The following GLMN variants were observed in gnomAD, a reference collection of about 807,000 sequenced individuals.
The protein encoded by GLMN is glomulin, FKBP associated protein.
A neutral mutation model predicts 87.8 loss-of-function variants in GLMN; 75 were observed. That is an observed-to-expected ratio of 0.85 (90% confidence interval 0.71 to 1.04). The LOEUF is 1.04. GLMN is among the 50% of genes least tolerant of loss of function. The pLI, the probability that GLMN is intolerant of heterozygous loss-of-function variation, is 0.00. For missense variants in GLMN, 588 were observed against 658.8 expected (o/e 0.89, Z 1.18); for synonymous variants, 206 against 221.6 (o/e 0.93, Z 0.63).
At chr1:92,344,502 TA>T in the GLMN span, among the ~76,000 whole-genome samples, 1 of 152,248 alleles carries the variant, frequency 6.6e-6, no homozygotes, top group African/African-American at 2.4e-5. Flanking sequence ...AGCTATTTAA[TA>T]TTTTATAAAT....
At position 92,246,666 on chromosome 1, in the gene GLMN, T is replaced by C; in HGVS notation, c.1669-20A>G. 8.8e-7 allele frequency: 1 copy of C among 1,130,224 alleles called. No homozygotes were observed. The highest frequency in any genetic ancestry group is 1.4e-6 in the Non-Finnish European group (1 of 737,860). 70.0% of individuals were successfully genotyped at this position (1,130,224 alleles called of 1,614,324 possible). ...CAGGACCTGCAATGCCAAGAAAAAG[T>C]AATGTTATTAATGCTGCCTTTAAAG... is the stretch of plus-strand genomic sequence containing the variant. On this transcript the variant is annotated intron_variant, in intron 18 of 18. Coordinates refer to ENST00000370360, the MANE Select transcript of GLMN (RefSeq NM_053274.3).
the GLMN span, among the ~76,000 whole-genome samples, chr1:92,368,373 T>C: frequency 6.6e-6 from 1 of 152,114 alleles, no homozygotes; most frequent in Non-Finnish European, 1.5e-5. Flanking sequence ...AGCAAGACTC[T>C]GTCTCAAAAA....
At position 92,247,089 on chromosome 1, in the gene GLMN, A is replaced by G. The variant is rs778068890; in HGVS notation, c.1641T>C (p.Pro547=). 6.4e-7 allele frequency: 1 copy of G among 1,571,698 alleles called. No individual in the cohort carries two copies. Among genetic ancestry groups the G allele is most frequent in the Non-Finnish European group, 8.8e-7 (1 of 1,142,230 alleles). The change falls in exon 18 of 19, where the codon CCT becomes CCC. Residue 547 remains proline (P), a synonymous_variant. Coordinates refer to ENST00000370360, the MANE Select transcript of GLMN (RefSeq NM_053274.3). The part of the protein sequence containing the change: ...CSITVSGEEI[P]NMPPEMQLKV... ...TAAGCTGCATTTCAGGAGGCATATT[A>G]GGGATCTCTTCTCCACTTACAGTTA...
chr1:92,273,610 A>AT lies in GLMN; in HGVS notation c.736-1959dup, dbSNP rs959828963. Among the ~76,000 whole-genome samples, 536 of 147,496 alleles carry AT rather than the reference A, an allele frequency of 3.6e-3. 4 individuals carry two copies. The highest frequency in any genetic ancestry group is 3.3e-3 in the Non-Finnish European group (220 of 66,518). ...ACTGGTACATGCCACCATGCCCGCT[A>AT]TTTTTTTTTTATTTTTTTTATTTTT... On this transcript the variant is annotated intron_variant, in intron 7 of 18. Coordinates refer to ENST00000370360, the MANE Select transcript of GLMN (RefSeq NM_053274.3).
the GLMN span, among the ~76,000 whole-genome samples, chr1:92,335,550 T>C: frequency 6.6e-6 from 1 of 152,172 alleles, no homozygotes. Context: ...ATATTCATTC[T>C]ATTTGGTTCT....
chr1:92,257,241 G>GAAAT (rs1654391890), intron 16 of GLMN, among the ~76,000 whole-genome samples: 2 of 152,106 alleles, frequency 1.3e-5, no homozygotes, highest in Admixed American at 1.3e-4. Context: ...ACCACTCAAA[G>GAAAT]AAATAAGAGA....
chr1:92,278,085 C>T (rs1388953356), intron 7 of GLMN, among the ~76,000 whole-genome samples: 3 of 152,040 alleles, frequency 2.0e-5, no homozygotes, highest in African/African-American at 7.2e-5. Context: ...TGTACAACTG[C>T]TTGCTTGCTT....
At chr1:92,255,772 G>A (rs534841843) in intron 16 of GLMN, among the ~76,000 whole-genome samples, 22 of 152,274 alleles carry the variant, frequency 1.4e-4, no homozygotes, top group Admixed American at 3.3e-4. Flanking sequence ...AGTGTTTAGA[G>A]GGAAATTTTT....
chr1:92,305,339 A>G, the GLMN span, among the ~76,000 whole-genome samples: 2 of 149,594 alleles, frequency 1.3e-5, no homozygotes, highest in South Asian at 4.3e-4. Context: ...AGGCTGAGGC[A>G]GGAGAATGGC....
At chr1:92,294,581 AT>A (rs1040717089) in intron 3 of GLMN, among the ~76,000 whole-genome samples, 2 of 152,000 alleles carry the variant, frequency 1.3e-5, no homozygotes, top group African/African-American at 4.8e-5. Context: ...TTTTATTTTT[AT>A]TTTTTTTCTT....
At chr1:92,312,412 G>A in the GLMN span, among the ~76,000 whole-genome samples, 72,076 of 137,294 alleles carry the variant, frequency 0.52, 18,191 homozygotes, top group East Asian at 0.97. Flanking sequence ...GAGCAAGACC[G>A]TGTCTCAAAA....
At chr1:92,333,571 T>C in the GLMN span, 1 of 827,916 alleles carries the variant, frequency 1.2e-6, no homozygotes, top group Non-Finnish European at 1.9e-6. Context: ...TTTTGAACAT[T>C]TTGAAAAATA....
chr1:92,367,126 A>G, the GLMN span, among the ~76,000 whole-genome samples: 2 of 152,228 alleles, frequency 1.3e-5, no homozygotes, highest in African/African-American at 4.8e-5. Flanking sequence ...ATGACCCTCA[A>G]TAATTCCTTT....
At chr1:92,368,393 A>G in the GLMN span, among the ~76,000 whole-genome samples, 1 of 152,166 alleles carries the variant, frequency 6.6e-6, no homozygotes, top group South Asian at 2.1e-4. Context: ...AAAGAAAAAA[A>G]TCCAAGTTCG....
At chr1:92,305,447 A>AAG in the GLMN span, among the ~76,000 whole-genome samples, 1 of 148,550 alleles carries the variant, frequency 6.7e-6, no homozygotes, top group East Asian at 2.1e-4. Flanking sequence ...AAAAAAAAAA[A>AAG]AAAAGACAAT....
At chr1:92,351,736 A>G in the GLMN span, among the ~76,000 whole-genome samples, 1 of 152,184 alleles carries the variant, frequency 6.6e-6, no homozygotes, top group Non-Finnish European at 1.5e-5. Flanking sequence ...ATAGAAGGCT[A>G]TCGAGAAGCA....
At chr1:92,327,491 G>T in the GLMN span, among the ~76,000 whole-genome samples, 2 of 152,128 alleles carry the variant, frequency 1.3e-5, no homozygotes, top group Non-Finnish European at 2.9e-5. Flanking sequence ...CTCACTTTTG[G>T]TGTCCATTTG....
the GLMN span, among the ~76,000 whole-genome samples, chr1:92,352,615 T>C: frequency 6.6e-6 from 1 of 152,232 alleles, no homozygotes; most frequent in African/African-American, 2.4e-5. Flanking sequence ...TATTTGAAGA[T>C]CATTGAAATT....
chr1:92,297,626 G>A, intron 2 of GLMN, 97 bp from the exon 3 acceptor site: 2 of 1,078,518 alleles, frequency 1.9e-6, no homozygotes, highest in East Asian at 2.5e-5. Context: ...ATGAAAAAAG[G>A]AAATCTGTTT....
Sources: allele counts gnomAD v4.1 joint callset (sites outside exome capture counted in the v4.1 genomes callset), GRCh38; gene constraint gnomAD v4.1.1; transcripts MANE v1.5; gene names NCBI Gene and HGNC (gene_info 2026-07-23, HGNC 2026-07-21).